The following BRPF3 variants were observed in gnomAD, a reference collection of about 807,000 sequenced individuals.
The protein encoded by BRPF3 is bromodomain and PHD finger-containing protein 3.
A neutral mutation model predicts 102.0 loss-of-function variants in BRPF3; 18 were observed. The observed-to-expected ratio is 0.18, with a 90% CI of 0.12 to 0.26. The LOEUF is 0.26. Among genes scored for constraint, BRPF3 ranks in the 10% least tolerant of loss-of-function variants. The pLI is 1.00. For missense variants in BRPF3, 1,147 were observed against 1,567.8 expected (o/e 0.73, Z 4.53); for synonymous variants, 570 against 614.2 (o/e 0.93, Z 1.06).
chr6:36,216,911 A>T (rs184333240), intron 8 of BRPF3, among the ~76,000 whole-genome samples: 1 of 152,262 alleles, frequency 6.6e-6, no homozygotes, highest in Admixed American at 6.5e-5. Flanking sequence ...GGGCTCATTC[A>T]TGCCTGTGGT....
rs759103310 is a variant in BRPF3 at position 36,211,352 on chromosome 6, G to A, written c.2274G>A (p.Met758Ile). The stretch of plus-strand genomic sequence containing the variant: ...AGAAACTGGACCTGGTGAGCGCCAT[G>A]CGGTCCAGTGGGGCCCGCACCCGTC... ...LLEKLDLVSA[M>I]RSSGARTRRV... Residue 758 changes from methionine (M) to isoleucine (I), a missense_variant, in exon 7 of 13, where the codon ATG becomes ATA. Coordinates refer to ENST00000357641, the MANE Select transcript of BRPF3 (RefSeq NM_015695.3). 6.2e-7 allele frequency: 1 copy of A among 1,614,254 alleles called. No individual in the cohort carries two copies. Among genetic ancestry groups the A allele is most frequent in the South Asian group, 1.1e-5 (1 of 91,086 alleles).
chr6:36,225,500 C>A, intron 11 of BRPF3, 136 bp downstream of exon 11: 2 of 715,090 alleles, frequency 2.8e-6, no homozygotes, highest in Non-Finnish European at 4.5e-6. Context: ...TTTGCCCCAG[C>A]CTGAGTGGGT....
chr6:36,198,073 GC>G (rs1361665929), intron 1 of BRPF3, among the ~76,000 whole-genome samples: 1 of 152,150 alleles, frequency 6.6e-6, no homozygotes, highest in Non-Finnish European at 1.5e-5. Context: ...GGCCCTGTCT[GC>G]CCCCAGGGAC....
At position 36,202,308 on chromosome 6, in the gene BRPF3, G is replaced by C. The variant is rs549613541; in HGVS notation, c.1448+538G>C. On this transcript the variant is annotated intron_variant, in intron 2 of 12. Transcript: ENST00000357641. ...CCAGCAAGTTCTGTCCTGGGTATGA[G>C]GGGGGTGGTGGTGTGGAGAGAACAT... Among the ~76,000 whole-genome samples the C allele has an allele frequency of 2.6e-5, 4 of 152,256 alleles. No individual in the cohort carries two copies. The South Asian group carries it at 8.3e-4, about 32-fold the overall frequency.
At position 36,211,391 on chromosome 6, in the gene BRPF3, A is replaced by G. The variant is rs201389266; in HGVS notation, c.2313A>G (p.Leu771=). ...SGARTRRVRL[L]RREINALRQK... is the part of the protein sequence containing the mutation. ...CCCGCACCCGTCGTGTCCGCCTGCT[A>G]CGCCGGGAGATCAATGCCCTTCGGC... The change falls in exon 7 of 13, where the codon CTA becomes CTG. Residue 771 remains leucine, a synonymous_variant. Transcript: ENST00000357641. 213 of 1,614,154 alleles carry G rather than the reference A, an allele frequency of 1.3e-4. 2 individuals are homozygous for G. In the East Asian group the frequency reaches 4.6e-3, roughly 35 times the overall value.
chr6:36,225,263 C>A lies in BRPF3; in HGVS notation c.3182-4C>A. On this transcript the variant is annotated splice_polypyrimidine_tract_variant and splice_region_variant and intron_variant, in intron 10 of 12. Coordinates refer to ENST00000357641, the MANE Select transcript of BRPF3 (RefSeq NM_015695.3). ...TGCTGTCTCCTCCCCTCCCCCACCC[C>A]CAGGCAGAAGCCTCCTGCTGCCCTT... 1 of 1,606,118 alleles carries A rather than the reference C, an allele frequency of 6.2e-7. No homozygotes were observed. The highest frequency in any genetic ancestry group is 8.5e-7 in the Non-Finnish European group (1 of 1,179,520).
In BRPF3 at chr6:36,196,845, G is replaced by A. The variant is rs936483885; in HGVS notation, c.-152G>A. 1.2e-4 allele frequency: 18 copies of A among 151,796 alleles called. No individual in the cohort carries two copies. Among genetic ancestry groups the A allele is most frequent in the African/African-American group, 3.9e-4 (16 of 41,248 alleles). The allele number at this position is 151,796 out of a possible 1,614,324, so 9.4% of individuals were successfully genotyped here. A position where few individuals can be genotyped will look rare whatever the true frequency, so the allele number is the denominator to read the frequency against. On this transcript the variant is annotated 5_prime_UTR_variant, in exon 1 of 13. Transcript: ENST00000357641. ...CCAGCGCGGGCCGGGAGGGGGCACG[G>A]CGGAGGCCACGGAGGCAGGCGCGGG...
At position 36,211,387 on chromosome 6, in the gene BRPF3, T is replaced by C. The variant is rs1768102791; in HGVS notation, c.2309T>C (p.Leu770Pro). 6.2e-7 allele frequency: 1 copy of C among 1,614,156 alleles called. No homozygotes were observed. Among genetic ancestry groups the C allele is most frequent in the Non-Finnish European group, 8.5e-7 (1 of 1,179,998 alleles). The change falls in exon 7 of 13, where the codon CTG (leucine) becomes CCG (proline). Residue 770 changes from leucine (L) to proline (P), a missense_variant. Coordinates refer to ENST00000357641, the MANE Select transcript of BRPF3 (RefSeq NM_015695.3). ...SSGARTRRVRLLRREINALRQ... is the reference protein window; with the variant it reads ...SSGARTRRVRPLRREINALRQ... Reference sequence around the variant, plus strand: ...GGGGCCCGCACCCGTCGTGTCCGCCTGCTACGCCGGGAGATCAATGCCCTT... The same window carrying C: ...GGGGCCCGCACCCGTCGTGTCCGCCCGCTACGCCGGGAGATCAATGCCCTT...
intron 4 of BRPF3, among the ~76,000 whole-genome samples, chr6:36,207,652 G>A (rs1767952840): frequency 6.6e-6 from 1 of 152,156 alleles, no homozygotes; most frequent in Non-Finnish European, 1.5e-5. Context: ...AGCTCCTGGT[G>A]GCCTCAAGCA....
intron 11 of BRPF3, 113 bp from the exon 12 acceptor site, chr6:36,228,789 C>A: frequency 8.1e-7 from 1 of 1,240,718 alleles, no homozygotes; most frequent in South Asian, 1.3e-5. Context: ...AAAGATATCC[C>A]ACTCAGGCCT....
chr6:36,221,281 C>CTTT (rs35018880), intron 9 of BRPF3, among the ~76,000 whole-genome samples: 247 of 76,702 alleles, frequency 3.2e-3, no homozygotes, highest in Middle Eastern at 0.01. Context: ...AATTGGTCTA[C>CTTT]TTTTTTTTTT....
In BRPF3 at chr6:36,214,296, G is replaced by A. The variant is rs755587354; in HGVS notation, c.2899G>A (p.Glu967Lys). ...CTCTCCTGCCTCTCCAGCCAGCATC[G>A]AGGAAGAGCGCCACTCCCGGAAGCG... is the stretch of plus-strand genomic sequence containing the variant. ...AGSPASPASI[E>K]EERHSRKRPR... Residue 967 changes from glutamate (E) to lysine (K), a missense_variant, in exon 8 of 13, where the codon GAG (glutamate) becomes AAG (lysine). Glu to Lys is a moderately conservative substitution (Grantham distance 56). Transcript: ENST00000357641. 55 of 1,613,862 alleles carry A rather than the reference G, an allele frequency of 3.4e-5. 1 individual carries two copies. The highest frequency in any genetic ancestry group is 4.5e-5 in the Non-Finnish European group (53 of 1,180,034).
rs372666979 is a variant in BRPF3 at position 36,222,162 on chromosome 6, G to C, written c.3084-6G>C. Reference sequence around the variant, plus strand: ...TTTCACCCCTCTCTCCCTGCTCTGTGTGCAGTGGTCTGACGCCCCCCAAAC... The same window carrying C: ...TTTCACCCCTCTCTCCCTGCTCTGTCTGCAGTGGTCTGACGCCCCCCAAAC... On this transcript the variant is annotated splice_region_variant and splice_polypyrimidine_tract_variant and intron_variant, in intron 9 of 12. Transcript: ENST00000357641. 1.6e-4 allele frequency: 241 copies of C among 1,550,094 alleles called. No homozygotes were observed. Among genetic ancestry groups the C allele is most frequent in the Non-Finnish European group, 2.0e-4 (228 of 1,147,008 alleles).
At chr6:36,216,808 G>A (rs1267961291) in intron 8 of BRPF3, among the ~76,000 whole-genome samples, 1 of 152,182 alleles carries the variant, frequency 6.6e-6, no homozygotes, top group East Asian at 1.9e-4. Context: ...GGAGGCTGAG[G>A]CAGAAGGATT....
At chr6:36,229,194 C>T (rs1333018346) in intron 12 of BRPF3, 138 bp downstream of exon 12, 2 of 1,113,516 alleles carry the variant, frequency 1.8e-6, no homozygotes, top group African/African-American at 3.1e-5. Context: ...CAGGCCTGCA[C>T]TTGGCATGTT....
At chr6:36,209,225 T>C (rs1384679142) in intron 4 of BRPF3, among the ~76,000 whole-genome samples, 1 of 152,196 alleles carries the variant, frequency 6.6e-6, no homozygotes, top group Admixed American at 6.5e-5. Flanking sequence ...GGGATAATAA[T>C]TTCTGTTTCA....
In BRPF3 at chr6:36,200,295, A is replaced by G. The variant is rs184803483; in HGVS notation, c.-26-2A>G. On this transcript the variant is annotated splice_acceptor_variant, in intron 1 of 12. Coordinates refer to ENST00000357641, the MANE Select transcript of BRPF3 (RefSeq NM_015695.3). LOFTEE classifies it low-confidence loss of function (5UTR_SPLICE). This position sits in a 1 kb window ranked among gnomAD's most constrained non-coding sequence, Gnocchi z 5.3. Reference sequence around the variant, plus strand: ...CATAGTCTCCTGGCCTTCTCTCCTTAGGCCTGTCCCCTCAGTTCCCAGGTG... The same window carrying G: ...CATAGTCTCCTGGCCTTCTCTCCTTGGGCCTGTCCCCTCAGTTCCCAGGTG... 2.4e-3 allele frequency: 3,797 copies of G among 1,600,664 alleles called. 12 individuals carry two copies. The highest frequency in any genetic ancestry group is 0.014 in the African/African-American group (1,027 of 74,700).
intron 10 of BRPF3, 102 bp downstream of exon 10, chr6:36,222,367 C>G (rs1768579632): frequency 9.2e-7 from 1 of 1,084,724 alleles, no homozygotes; most frequent in Admixed American, 2.1e-5. Context: ...GCAGCCAGTC[C>G]TTGAGCTCCC....
rs894127802 is a variant in BRPF3 at position 36,210,263 on chromosome 6, T to C, written c.1914T>C (p.Thr638=). The C allele has an allele frequency of 1.9e-6, 3 of 1,614,120 alleles. No individual in the cohort carries two copies. The African/African-American group carries it at 4.0e-5, about 22-fold the overall frequency. The change falls in exon 6 of 13, where the codon ACT becomes ACC. Residue 638 remains threonine (T), a synonymous_variant. Transcript: ENST00000357641. This position sits in a 1 kb window ranked among gnomAD's most constrained non-coding sequence, Gnocchi z 4.7. The part of the protein sequence containing the change: ...EFISKPMDFS[T]MRRKLESHLY... ...TATCCAAGCCAATGGATTTTTCTAC[T>C]ATGAGGCGGAAGCTGGAGTCCCACC...
Sources: allele counts gnomAD v4.1 joint callset (sites outside exome capture counted in the v4.1 genomes callset), GRCh38; gene constraint gnomAD v4.1.1; non-coding constraint Gnocchi (gnomAD v3.1); transcripts MANE v1.5; gene names NCBI Gene and HGNC (gene_info 2026-07-23, HGNC 2026-07-21).